COL19A1: variants seen among roughly 807,000 people sequenced by gnomAD.
The protein encoded by COL19A1 is collagen type XIX alpha 1 chain, also known as collagen alpha-1(XIX) chain.
Under a neutral mutation model 190.2 loss-of-function variants are expected in COL19A1, and 159 were observed. The ratio of observed to expected loss-of-function variants is 0.84; its 90% confidence interval spans 0.73 to 0.95. COL19A1 has a LOEUF of 0.95. COL19A1 is among the 40% of genes least tolerant of loss of function. The pLI is 0.00. For missense variants in COL19A1, 1,418 were observed against 1,431.9 expected (o/e 0.99, Z 0.16); for synonymous variants, 509 against 458.9 (o/e 1.11, Z -1.39).
chr6:69,872,347 A>T (rs1260431195), intron 1 of COL19A1, among the ~76,000 whole-genome samples: 1 of 152,080 alleles, frequency 6.6e-6, no homozygotes, highest in Non-Finnish European at 1.5e-5. Flanking sequence ...GAGGCCAGGT[A>T]TTAATAGGAT....
intron 9 of COL19A1, among the ~76,000 whole-genome samples, chr6:69,943,552 A>G (rs1032536458): frequency 7.9e-5 from 12 of 152,126 alleles, no homozygotes; most frequent in Non-Finnish European, 2.9e-5. Flanking sequence ...TCTACATTTA[A>G]GTTTTCAATC....
intron 31 of COL19A1, among the ~76,000 whole-genome samples, chr6:70,154,107 A>ACCCC (rs1174932629): frequency 8.5e-5 from 6 of 70,256 alleles, no homozygotes; most frequent in Admixed American, 1.7e-4. Flanking sequence ...TCCCTCCCCT[A>ACCCC]CCCCCCCCAA....
At chr6:70,062,623 C>A (rs1180561151) in intron 14 of COL19A1, among the ~76,000 whole-genome samples, 1 of 151,980 alleles carries the variant, frequency 6.6e-6, no homozygotes. Context: ...CAAATTCACA[C>A]GTAACAATAT....
At position 70,156,174 on chromosome 6, in the gene COL19A1, C is replaced by T. The variant is rs769648653; in HGVS notation, c.2127C>T (p.Asn709=). ...CQASVPGLKS[N]KGEEGGAGEP... ...CCAGTGTCCCAGGGCTGAAAAGCAA[C>T]AAAGGAGAAGAAGGAGGTGCTGGTG... The change falls in exon 32 of 51, where the codon AAC becomes AAT. Residue 709 remains asparagine, a synonymous_variant. Coordinates refer to ENST00000620364, the MANE Select transcript of COL19A1 (RefSeq NM_001858.6). 8.7e-6 allele frequency: 14 copies of T among 1,613,204 alleles called. No homozygotes were observed. The highest frequency in any genetic ancestry group is 1.2e-5 in the Non-Finnish European group (14 of 1,179,540).
intron 49 of COL19A1, among the ~76,000 whole-genome samples, chr6:70,204,019 C>T (rs1182848335): frequency 6.6e-6 from 1 of 152,086 alleles, no homozygotes; most frequent in Admixed American, 6.5e-5. Context: ...CACCACCATG[C>T]CCAGCTAATT....
chr6:69,895,623 G>A (rs938577450), intron 2 of COL19A1, among the ~76,000 whole-genome samples: 5 of 152,210 alleles, frequency 3.3e-5, no homozygotes, highest in African/African-American at 1.2e-4. Flanking sequence ...AAGGGCCAGG[G>A]TCCTCCCCAC....
intron 15 of COL19A1, among the ~76,000 whole-genome samples, chr6:70,087,244 A>C (rs1221378104): frequency 1.3e-5 from 2 of 152,314 alleles, no homozygotes; most frequent in Middle Eastern, 3.4e-3. Flanking sequence ...AAAATAAATA[A>C]GTTTTAGTGT....
intron 11 of COL19A1, among the ~76,000 whole-genome samples, chr6:69,993,946 A>T (rs747069227): frequency 6.7e-6 from 1 of 148,420 alleles, no homozygotes. Context: ...TTGCATCTCT[A>T]TTTCCTTTAG....
At chr6:70,066,468 G>A (rs557825959) in intron 14 of COL19A1, among the ~76,000 whole-genome samples, 7 of 152,110 alleles carry the variant, frequency 4.6e-5, no homozygotes, top group African/African-American at 1.7e-4. Context: ...GGAGTGGGGA[G>A]GGATAGCATT....
intron 11 of COL19A1, among the ~76,000 whole-genome samples, chr6:70,022,535 TA>T (rs1204055229): frequency 6.6e-6 from 1 of 152,138 alleles, no homozygotes; most frequent in African/African-American, 2.4e-5. Flanking sequence ...TCAAAAATTG[TA>T]TTATACTATA....
intron 11 of COL19A1, among the ~76,000 whole-genome samples, chr6:70,022,892 C>T (rs1347931440): frequency 1.3e-5 from 2 of 152,084 alleles, no homozygotes; most frequent in East Asian, 1.9e-4. Flanking sequence ...AATAGCATTA[C>T]ACTCTACATT....
chr6:70,064,382 C>T (rs1415491093), intron 14 of COL19A1, among the ~76,000 whole-genome samples: 1 of 152,158 alleles, frequency 6.6e-6, no homozygotes, highest in Admixed American at 6.5e-5. Context: ...TCAACAGATG[C>T]AGAAAAGGCC....
intron 15 of COL19A1, among the ~76,000 whole-genome samples, chr6:70,079,835 A>G (rs1782129444): frequency 1.3e-5 from 2 of 152,226 alleles, no homozygotes; most frequent in South Asian, 2.1e-4. Flanking sequence ...GGGAGAGGTC[A>G]AGGAAAATCT....
chr6:69,926,361 A>G (rs1475843759), intron 4 of COL19A1, among the ~76,000 whole-genome samples: 1 of 152,188 alleles, frequency 6.6e-6, no homozygotes. Flanking sequence ...TGCTATTTTA[A>G]ATATACTTAA....
At chr6:70,165,817 G>T in intron 36 of COL19A1, 124 bp from the exon 37 acceptor site, 1 of 885,442 alleles carries the variant, frequency 1.1e-6, no homozygotes. Context: ...AGACTACAAG[G>T]CTGAAACAAC....
intron 41 of COL19A1, among the ~76,000 whole-genome samples, chr6:70,174,689 C>T (rs894484398): frequency 5.3e-5 from 8 of 151,928 alleles, no homozygotes; most frequent in East Asian, 1.9e-4. Flanking sequence ...GAGTACTGGA[C>T]GGAAGAATGG....
At chr6:70,173,667 C>A (rs573588657) in intron 41 of COL19A1, among the ~76,000 whole-genome samples, 2 of 152,198 alleles carry the variant, frequency 1.3e-5, no homozygotes, top group Admixed American at 1.3e-4. Flanking sequence ...GTAGGAACAA[C>A]CGTGGACTTG....
intron 17 of COL19A1, among the ~76,000 whole-genome samples, chr6:70,122,816 A>G (rs1290350040): frequency 1.3e-5 from 2 of 152,216 alleles, no homozygotes; most frequent in African/African-American, 2.4e-5. Flanking sequence ...TGACTAGCTA[A>G]TTATAAAATC....
intron 1 of COL19A1, among the ~76,000 whole-genome samples, chr6:69,870,873 G>T (rs1443404413): frequency 6.6e-6 from 1 of 152,214 alleles, no homozygotes; most frequent in Admixed American, 6.5e-5. Context: ...GGATTCAAAA[G>T]ACGTTTACAA....
Sources: gnomAD v4.1 joint callset for allele counts (sites outside exome capture counted in the v4.1 genomes callset) on GRCh38, gnomAD v4.1.1 for gene constraint, MANE v1.5 for transcripts, NCBI Gene and HGNC (gene_info 2026-07-23, HGNC 2026-07-21) for gene names.